The following ADAMTS17 variants were observed in gnomAD, a reference collection of about 807,000 sequenced individuals.
ADAMTS17 encodes the protein ADAM metallopeptidase with thrombospondin type 1 motif 17.
Under a neutral mutation model 141.5 loss-of-function variants are expected in ADAMTS17, and 113 were observed. The ratio of observed to expected loss-of-function variants is 0.80; its 90% CI spans 0.69 to 0.93. The LOEUF (loss-of-function observed/expected upper bound fraction) is 0.93. ADAMTS17 is among the 40% of genes least tolerant of loss of function. The pLI, the probability that ADAMTS17 is intolerant of heterozygous loss-of-function variation, is 0.00. For synonymous variants in ADAMTS17, 768 were observed against 630.6 expected (o/e 1.22, Z -3.27); for missense variants, 1,659 against 1,517.9 (o/e 1.09, Z -1.54).
intron 3 of ADAMTS17, among the ~76,000 whole-genome samples, chr15:100,327,530 A>G (rs1297782526): frequency 6.6e-6 from 1 of 152,174 alleles, no homozygotes; most frequent in African/African-American, 2.4e-5. Context: ...TCTACCACAC[A>G]CATGTGAAAT....
Position 99,974,422 on chromosome 15 carries a change from G to A in ADAMTS17, c.3268C>T (p.Gln1090Ter), listed in dbSNP as rs752805401. 4 of 1,614,210 alleles carry A rather than the reference G, an allele frequency of 2.5e-6. No homozygotes were observed. Among genetic ancestry groups the A allele is most frequent in the Non-Finnish European group, 3.4e-6 (4 of 1,180,044 alleles). The change falls in exon 22 of 22, where the codon CAG becomes TAG. Residue 1090 changes from glutamine (Q) to a stop codon, truncating the protein, a stop_gained. Transcript: ENST00000268070. LOFTEE classifies it high-confidence loss of function. ...CRDFYANKMRQPPPNS is the reference protein window; with the variant it reads ...CRDFYANKMR Reference sequence around the variant, plus strand: ...GCGTGTCACGAGTTCGGCGGTGGCTGGCGCATCTTGTTTGCATAGAAGTCC... The same window carrying A: ...GCGTGTCACGAGTTCGGCGGTGGCTAGCGCATCTTGTTTGCATAGAAGTCC...
intron 7 of ADAMTS17, among the ~76,000 whole-genome samples, chr15:100,243,586 T>A (rs2042892091): frequency 6.6e-6 from 1 of 152,018 alleles, no homozygotes; most frequent in Admixed American, 6.6e-5. Context: ...GGTCAGGAGT[T>A]CCAGACCAGT....
intron 18 of ADAMTS17, among the ~76,000 whole-genome samples, chr15:100,011,946 C>G (rs2061193669): frequency 6.6e-6 from 1 of 152,204 alleles, no homozygotes; most frequent in South Asian, 2.1e-4. Flanking sequence ...GTTCTACTTT[C>G]AGTTCTTTAA....
At chr15:100,316,782 T>C (rs766517955) in intron 3 of ADAMTS17, among the ~76,000 whole-genome samples, 1 of 150,214 alleles carries the variant, frequency 6.7e-6, no homozygotes, top group Non-Finnish European at 1.5e-5. Context: ...TATCAAGACA[T>C]GCATTCCCTC....
At chr15:100,255,617 A>AACACACACACACACACACACACACAC (rs10529356) in intron 6 of ADAMTS17, among the ~76,000 whole-genome samples, 5,167 of 140,094 alleles carry the variant, frequency 0.037, 142 homozygotes, top group East Asian at 0.094. Flanking sequence ...TGTTTTGAGC[A>AACACACACACACACACACACACACAC]ACACACACAC....
rs780563389 is a variant in ADAMTS17, at chr15:100,048,888, G to T, written c.2560C>A (p.Arg854=). ...TGGCAGGGGTGCAAGTTGCACCTTC[G>T]GACCTGGGGCTCTGGGCGGCTTGCT... ...PQASRPEPQV[R]RCNLHPCQSR... Residue 854 remains arginine, a synonymous_variant, in exon 18 of 22, where the codon CGA becomes AGA. Coordinates refer to ENST00000268070, the MANE Select transcript of ADAMTS17 (RefSeq NM_139057.4). 5 of 1,614,182 alleles carry T rather than the reference G, an allele frequency of 3.1e-6. No homozygotes were observed. Among genetic ancestry groups the T allele is most frequent in the Non-Finnish European group, 4.2e-6 (5 of 1,180,036 alleles).
intron 18 of ADAMTS17, among the ~76,000 whole-genome samples, chr15:100,030,183 G>C (rs1005457539): frequency 6.6e-6 from 1 of 152,074 alleles, no homozygotes; most frequent in Non-Finnish European, 1.5e-5. Flanking sequence ...TCTCCCCCTG[G>C]CCAGGGAACA....
At chr15:100,310,982 G>T (rs1567521202) in intron 3 of ADAMTS17, among the ~76,000 whole-genome samples, 1 of 152,316 alleles carries the variant, frequency 6.6e-6, no homozygotes, top group East Asian at 1.9e-4. Flanking sequence ...CAACAAAACT[G>T]GGCAGCAGCT....
intron 9 of ADAMTS17, among the ~76,000 whole-genome samples, chr15:100,153,280 G>A (rs548427708): frequency 2.4e-4 from 36 of 152,242 alleles, no homozygotes; most frequent in South Asian, 4.2e-4. Context: ...GGCAACACTC[G>A]CCGAGGACTT....
At position 100,330,957 on chromosome 15, in the gene ADAMTS17, T is replaced by C. The variant is rs146934810; in HGVS notation, c.548A>G (p.Lys183Arg). 4,097 of 1,614,100 alleles carry C rather than the reference T, an allele frequency of 2.5e-3. 8 individuals are homozygous for C. The highest frequency in any genetic ancestry group is 3.0e-3 in the Non-Finnish European group (3,560 of 1,180,034). ...AGAAGGGCTGGGGGTCAAGGACCAT[T>C]TGCGCCTGATCAGATGTTCTCGTCC... ...FSGREHLIRR[K>R]WSLTPSPSAE... The change falls in exon 3 of 22, where the codon AAA becomes AGA. Residue 183 changes from lysine to arginine, a missense_variant. Physicochemically the swap from Lys to Arg is conservative, Grantham distance 26. Transcript: ENST00000268070.
chr15:100,146,938 TGATAA>T (rs2038935454), intron 10 of ADAMTS17, among the ~76,000 whole-genome samples: 1 of 152,196 alleles, frequency 6.6e-6, no homozygotes, highest in Admixed American at 6.5e-5. Flanking sequence ...CTCTGTCTCC[TGATAA>T]GATGTTATCA....
rs113407482 is a variant in ADAMTS17 at position 100,005,116 on chromosome 15, C to T, written c.2592-7527G>A. 6.3e-3 allele frequency among the ~76,000 whole-genome samples: 956 copies of T among 152,312 alleles called. 7 individuals carry two copies. Among genetic ancestry groups the T allele is most frequent in the African/African-American group, 0.022 (916 of 41,556 alleles). On this transcript the variant is annotated intron_variant, in intron 18 of 21. Transcript: ENST00000268070. ...TTCTCTAATTCAGGGCACCCCTTCT[C>T]CTGATCCTCCTGCGACTCTGCTTCC...
chr15:100,307,241 G>A (rs1452412867), intron 3 of ADAMTS17, among the ~76,000 whole-genome samples: 2 of 152,172 alleles, frequency 1.3e-5, no homozygotes, highest in Non-Finnish European at 2.9e-5. Context: ...TCTGCTTCTT[G>A]GACAGAGGGA....
At chr15:100,130,756 G>T (rs561829938) in intron 12 of ADAMTS17, among the ~76,000 whole-genome samples, 1 of 152,252 alleles carries the variant, frequency 6.6e-6, no homozygotes, top group East Asian at 1.9e-4. Context: ...GAACTTGCTC[G>T]TTTTCAAAAT....
chr15:99,993,879 C>G lies in ADAMTS17; in HGVS notation c.2797-679G>C, dbSNP rs1398355320. 6.6e-6 allele frequency among the ~76,000 whole-genome samples: 1 copy of G among 152,108 alleles called. No homozygotes were observed. Among genetic ancestry groups the G allele is most frequent in the African/African-American group, 2.4e-5 (1 of 41,424 alleles). On this transcript the variant is annotated intron_variant, in intron 19 of 21. Transcript: ENST00000268070. The surrounding 1 kb of genome is among the most constrained non-coding windows in gnomAD (Gnocchi z 4.3). ...TGGCAAGGGGCAGTGGGGATGGGAC[C>G]TGGGCAGGGCCTGGGGGTGATGAAT...
chr15:100,038,277 G>A (rs890948268), intron 18 of ADAMTS17, among the ~76,000 whole-genome samples: 1 of 152,198 alleles, frequency 6.6e-6, no homozygotes, highest in African/African-American at 2.4e-5. Context: ...ATAGTTTACA[G>A]TAAGCTTTGA....
intron 8 of ADAMTS17, among the ~76,000 whole-genome samples, chr15:100,163,252 A>C (rs910663791): frequency 6.6e-6 from 1 of 152,086 alleles, no homozygotes; most frequent in Non-Finnish European, 1.5e-5. Flanking sequence ...AGAGAGACAG[A>C]GAGAATGAAG....
rs748878355 is a variant in ADAMTS17 at position 100,109,006 on chromosome 15, C to T, written c.1999G>A (p.Val667Met). ...TACGTCACCTGGCACTTGCCGTGCA[C>T]GCAGAGATCAGTCTCGTAGGGCCCG... The part of the protein sequence containing the change: ...PCGPYETDLC[V>M]HGKCQKIGCD... Residue 667 changes from valine (V) to methionine (M), a missense_variant, in exon 14 of 22, where the codon GTG becomes ATG. By Grantham distance (21) the Val-to-Met change is conservative. Coordinates refer to ENST00000268070, the MANE Select transcript of ADAMTS17 (RefSeq NM_139057.4). 29 of 1,613,958 alleles carry T rather than the reference C, an allele frequency of 1.8e-5. No homozygotes were observed. Among genetic ancestry groups the T allele is most frequent in the East Asian group, 6.7e-5 (3 of 44,884 alleles).
chr15:100,219,673 G>C (rs879788568), intron 7 of ADAMTS17, among the ~76,000 whole-genome samples: 1 of 152,158 alleles, frequency 6.6e-6, no homozygotes, highest in African/African-American at 2.4e-5. Context: ...CATGGACAAG[G>C]AGAATCTATG....
Sources: allele counts gnomAD v4.1 joint callset (sites outside exome capture counted in the v4.1 genomes callset), GRCh38; gene constraint gnomAD v4.1.1; non-coding constraint Gnocchi (gnomAD v3.1); transcripts MANE v1.5; gene names NCBI Gene and HGNC (gene_info 2026-07-23, HGNC 2026-07-21).